The following ZFPM2 variants were observed in gnomAD, a reference collection of about 807,000 sequenced individuals.
ZFPM2 encodes the protein zinc finger protein ZFPM2.
In ZFPM2, 20 loss-of-function variants were observed where a neutral mutation model predicts 98.6. The observed-to-expected ratio is 0.20, with a 90% confidence interval of 0.14 to 0.29. The LOEUF (loss-of-function observed/expected upper bound fraction) is 0.29, where lower values mean the gene tolerates loss of function less well. ZFPM2 is among the 10% of genes least tolerant of loss of function. ZFPM2 has a pLI of 1.00. For missense variants in ZFPM2, 1,310 were observed against 1,388.6 expected (o/e 0.94, Z 0.90); for synonymous variants, 518 against 502.7 (o/e 1.03, Z -0.41).
At chr8:105,461,748 G>A (rs922830538) in intron 3 of ZFPM2, among the ~76,000 whole-genome samples, 1 of 152,046 alleles carries the variant, frequency 6.6e-6, no homozygotes, top group African/African-American at 2.4e-5. Flanking sequence ...AGAGATATAA[G>A]AGCGAACAAA....
chr8:105,484,698 G>A (rs1813194429), intron 3 of ZFPM2, among the ~76,000 whole-genome samples: 1 of 152,108 alleles, frequency 6.6e-6, no homozygotes. Flanking sequence ...ATCATCCCCA[G>A]AAGATTATAA....
chr8:105,479,933 T>G (rs1462772265), intron 3 of ZFPM2, among the ~76,000 whole-genome samples: 2 of 152,214 alleles, frequency 1.3e-5, no homozygotes, highest in East Asian at 3.8e-4. Flanking sequence ...AAAGTATTTT[T>G]CTGTTTCAAT....
At chr8:105,691,759 TG>T (rs1203308258) in intron 5 of ZFPM2, among the ~76,000 whole-genome samples, 1 of 152,226 alleles carries the variant, frequency 6.6e-6, no homozygotes, top group Admixed American at 6.5e-5. Flanking sequence ...TTGAGTTACT[TG>T]CTCACTGGTG....
At chr8:105,597,416 A>G (rs1329817522) in intron 4 of ZFPM2, among the ~76,000 whole-genome samples, 2 of 152,122 alleles carry the variant, frequency 1.3e-5, no homozygotes, top group African/African-American at 2.4e-5. Flanking sequence ...GCGTGTGTGC[A>G]TGTTAATGAG....
At chr8:105,375,565 A>G (rs1170209958) in intron 1 of ZFPM2, among the ~76,000 whole-genome samples, 2 of 152,134 alleles carry the variant, frequency 1.3e-5, no homozygotes, top group Non-Finnish European at 2.9e-5. Flanking sequence ...ACTCTGGCAG[A>G]ATTGGTGTCC....
chr8:105,538,686 A>C (rs1335907477), intron 3 of ZFPM2, among the ~76,000 whole-genome samples: 1 of 151,866 alleles, frequency 6.6e-6, no homozygotes, highest in East Asian at 1.9e-4. Context: ...GATCTGTTTA[A>C]AAGGATCTCA....
intron 1 of ZFPM2, among the ~76,000 whole-genome samples, chr8:105,369,189 C>A (rs1810570491): frequency 6.6e-6 from 1 of 152,082 alleles, no homozygotes; most frequent in Admixed American, 6.5e-5. Flanking sequence ...GGATTTATCT[C>A]AATATCAGGT....
At chr8:105,470,230 A>G (rs1441495588) in intron 3 of ZFPM2, among the ~76,000 whole-genome samples, 3 of 152,104 alleles carry the variant, frequency 2.0e-5, no homozygotes, top group Non-Finnish European at 4.4e-5. Context: ...GATGGATAGC[A>G]CAGGGCTTAA....
chr8:105,402,329 AT>A lies in ZFPM2; in HGVS notation c.41-16811del, dbSNP rs571329132. 5.3e-3 allele frequency among the ~76,000 whole-genome samples: 813 copies of A among 152,072 alleles called. 10 individuals carry two copies. Among genetic ancestry groups the A allele is most frequent in the Non-Finnish European group, 4.6e-3 (314 of 67,872 alleles). On this transcript the variant is annotated intron_variant, in intron 1 of 7. Coordinates refer to ENST00000407775, the MANE Select transcript of ZFPM2 (RefSeq NM_012082.4). ...TTCATCCTCTTAACTATTGCATTTT[AT>A]TTTAGTGTTCCTAATGATTATACTT...
intron 4 of ZFPM2, among the ~76,000 whole-genome samples, chr8:105,587,970 T>C (rs1301591742): frequency 1.3e-5 from 2 of 152,008 alleles, no homozygotes; most frequent in African/African-American, 4.8e-5. Context: ...AAAAGACCAG[T>C]AGTATGGATT....
chr8:105,704,097 G>T (rs1472647546), intron 5 of ZFPM2, among the ~76,000 whole-genome samples: 3 of 100,194 alleles, frequency 3.0e-5, no homozygotes, highest in African/African-American at 1.2e-4. Context: ...CCTGACCACA[G>T]GGAAAACACC....
At chr8:105,378,285 G>A (rs1810770685) in intron 1 of ZFPM2, among the ~76,000 whole-genome samples, 1 of 152,120 alleles carries the variant, frequency 6.6e-6, no homozygotes, top group African/African-American at 2.4e-5. Flanking sequence ...GAACACAGTA[G>A]ATATCCCTCA....
intron 1 of ZFPM2, among the ~76,000 whole-genome samples, chr8:105,330,616 A>ATACG (rs1563606926): frequency 5.2e-4 from 31 of 59,660 alleles, no homozygotes; most frequent in Admixed American, 1.8e-3. Flanking sequence ...ATATACACAT[A>ATACG]TATATATATA....
chr8:105,668,468 G>A (rs1375625135), intron 5 of ZFPM2, among the ~76,000 whole-genome samples: 1 of 151,802 alleles, frequency 6.6e-6, no homozygotes, highest in East Asian at 1.9e-4. Flanking sequence ...ACAGAAAAAA[G>A]TACTTCAGGC....
At chr8:105,559,475 AAG>A (rs1400475444) in intron 3 of ZFPM2, among the ~76,000 whole-genome samples, 2 of 152,148 alleles carry the variant, frequency 1.3e-5, no homozygotes, top group Non-Finnish European at 2.9e-5. Flanking sequence ...GTGGTAAAGA[AAG>A]AGTATGAGAA....
At chr8:105,548,408 T>C (rs1193490736) in intron 3 of ZFPM2, among the ~76,000 whole-genome samples, 2 of 152,188 alleles carry the variant, frequency 1.3e-5, no homozygotes, top group African/African-American at 2.4e-5. Flanking sequence ...AAAATTAACA[T>C]GTTTACAATA....
Position 105,369,505 on chromosome 8 carries a change from C to T in ZFPM2, c.41-49639C>T, listed in dbSNP as rs186633167. 7.9e-5 allele frequency among the ~76,000 whole-genome samples: 12 copies of T among 152,112 alleles called. No homozygotes were observed. In the East Asian group the frequency reaches 2.1e-3, roughly 27 times the overall value. On this transcript the variant is annotated intron_variant, in intron 1 of 7. Transcript: ENST00000407775. ...TTAAATGGGGCCTTTGGCCATTGAA[C>T]GCCAGCATATGGACAGAGTTAGTTA... is the stretch of plus-strand genomic sequence containing the variant.
intron 5 of ZFPM2, among the ~76,000 whole-genome samples, chr8:105,786,883 A>G (rs1256495074): frequency 6.6e-6 from 1 of 152,208 alleles, no homozygotes; most frequent in East Asian, 1.9e-4. Flanking sequence ...CTTTTGTGAA[A>G]GGTACACATA....
chr8:105,495,014 T>A (rs761105231), intron 3 of ZFPM2, among the ~76,000 whole-genome samples: 94 of 152,180 alleles, frequency 6.2e-4, no homozygotes, highest in Non-Finnish European at 1.0e-3. Context: ...TTTTAAAAAC[T>A]ATTTAAACAT....
Sources: allele counts gnomAD v4.1 joint callset (sites outside exome capture counted in the v4.1 genomes callset), GRCh38; gene constraint gnomAD v4.1.1; transcripts MANE v1.5; gene names NCBI Gene and HGNC (gene_info 2026-07-23, HGNC 2026-07-21).